Variants in CSMD1 observed in about 807,000 individuals in gnomAD.
The protein encoded by CSMD1 is CUB and Sushi multiple domains 1.
CSMD1 carries 213 observed loss-of-function variants against 417.5 expected under a neutral mutation model. The ratio of observed to expected loss-of-function variants is 0.51; its 90% CI spans 0.46 to 0.57. The LOEUF is 0.57. CSMD1 is among the 20% of genes least tolerant of loss of function. The pLI, the probability that CSMD1 is intolerant of heterozygous loss-of-function variation, is 0.00. For missense variants in CSMD1, 6,923 were observed against 4,529.7 expected (o/e 1.53, Z -15.17); for synonymous variants, 2,862 against 1,736.8 (o/e 1.65, Z -16.11).
At position 3,905,477 on chromosome 8, in the gene CSMD1, C is replaced by G. The variant is rs149156546; in HGVS notation, c.818+92426G>C. 3.1e-3 allele frequency among the ~76,000 whole-genome samples: 473 copies of G among 152,330 alleles called. 1 individual carries two copies. Among genetic ancestry groups the G allele is most frequent in the African/African-American group, 0.011 (444 of 41,586 alleles). The stretch of plus-strand genomic sequence containing the variant: ...CCCAACACGGGTCCAATGACGGTGA[C>G]TTTCCTACGTGTGAAAGATCTCTGT... On this transcript the variant is annotated intron_variant, in intron 5 of 69. Coordinates refer to ENST00000635120, the MANE Select transcript of CSMD1 (RefSeq NM_033225.6).
chr8:3,233,644 A>G (rs1209617485), intron 26 of CSMD1, among the ~76,000 whole-genome samples: 1 of 152,054 alleles, frequency 6.6e-6, no homozygotes, highest in Non-Finnish European at 1.5e-5. Flanking sequence ...TTTCCTATTC[A>G]TATTTTTATT....
chr8:3,941,826 A>G (rs535873664), intron 5 of CSMD1, among the ~76,000 whole-genome samples: 6 of 152,166 alleles, frequency 3.9e-5, no homozygotes, highest in South Asian at 4.1e-4. Flanking sequence ...ATAAAAATAT[A>G]GCGCAATTCC....
intron 1 of CSMD1, among the ~76,000 whole-genome samples, chr8:4,975,806 T>C (rs1270562011): frequency 5.9e-5 from 9 of 152,098 alleles, no homozygotes; most frequent in Admixed American, 5.2e-4. Context: ...GAATAGTGTA[T>C]GCATTTTTTT....
rs148761489 is a variant in CSMD1 at position 3,562,196 on chromosome 8, T to C, written c.1344+12749A>G. Among the ~76,000 whole-genome samples, 489 of 152,076 alleles carry C rather than the reference T, an allele frequency of 3.2e-3. 3 individuals are homozygous for C. Among genetic ancestry groups the C allele is most frequent in the African/African-American group, 0.011 (469 of 41,480 alleles). Reference sequence around the variant, plus strand: ...TAGGTGGGGAAAGATGGAAAGTGAATGTTAAAATAATGATGTAGAATAGAG... The same window carrying C: ...TAGGTGGGGAAAGATGGAAAGTGAACGTTAAAATAATGATGTAGAATAGAG... On this transcript the variant is annotated intron_variant, in intron 10 of 69. Coordinates refer to ENST00000635120, the MANE Select transcript of CSMD1 (RefSeq NM_033225.6).
Position 3,396,389 on chromosome 8 carries a change from T to C in CSMD1, c.2406-8A>G, listed in dbSNP as rs753575851. 15 of 1,551,190 alleles carry C rather than the reference T, an allele frequency of 9.7e-6. No individual in the cohort carries two copies. In the East Asian group the frequency reaches 1.1e-4, roughly 12 times the overall value. ...TTGACCTCTGTCTGAAATCTGCAAA[T>C]ATATACATCCCATCAGAAAAGACAT... On this transcript the variant is annotated splice_region_variant and splice_polypyrimidine_tract_variant and intron_variant, in intron 16 of 69. Transcript: ENST00000635120.
intron 36 of CSMD1, among the ~76,000 whole-genome samples, chr8:3,185,962 T>G (rs905575438): frequency 2.0e-5 from 3 of 152,150 alleles, no homozygotes; most frequent in African/African-American, 7.2e-5. Flanking sequence ...CTCTGATTTG[T>G]CTAGCTATAT....
chr8:3,827,552 T>C (rs938767998), intron 5 of CSMD1, among the ~76,000 whole-genome samples: 1 of 152,222 alleles, frequency 6.6e-6, no homozygotes, highest in South Asian at 2.1e-4. Flanking sequence ...CTGAAATGTT[T>C]TCTGCTAGAT....
At chr8:4,138,896 A>G (rs1370128859) in intron 3 of CSMD1, among the ~76,000 whole-genome samples, 7 of 152,192 alleles carry the variant, frequency 4.6e-5, no homozygotes, top group Admixed American at 1.3e-4. Context: ...TATTTAATAC[A>G]AATAATTTAA....
intron 23 of CSMD1, among the ~76,000 whole-genome samples, chr8:3,326,887 G>C (rs74304350): frequency 0.048 from 7,262 of 152,152 alleles, 411 homozygotes; most frequent in East Asian, 0.25. Flanking sequence ...GCTATGTCTT[G>C]ATACATTGAT....
chr8:4,203,220 G>C (rs867874746), intron 3 of CSMD1, among the ~76,000 whole-genome samples: 1 of 152,180 alleles, frequency 6.6e-6, no homozygotes, highest in African/African-American at 2.4e-5. Context: ...TGAAGATGGA[G>C]AAAGAAGGCC....
At chr8:3,790,394 T>C (rs1430379531) in intron 5 of CSMD1, among the ~76,000 whole-genome samples, 2 of 152,106 alleles carry the variant, frequency 1.3e-5, no homozygotes, top group African/African-American at 2.4e-5. Context: ...ATGGTGATGT[T>C]TGACAGTTAT....
At chr8:3,677,715 G>C (rs1447690281) in intron 7 of CSMD1, among the ~76,000 whole-genome samples, 3 of 152,102 alleles carry the variant, frequency 2.0e-5, no homozygotes, top group Non-Finnish European at 2.9e-5. Context: ...TTTTGTTCTG[G>C]AAGTCTGTCT....
intron 1 of CSMD1, among the ~76,000 whole-genome samples, chr8:4,716,015 G>T (rs1201280591): frequency 6.6e-6 from 1 of 152,166 alleles, no homozygotes; most frequent in African/African-American, 2.4e-5. Context: ...AGAGCACAGG[G>T]GCCAGGGCAG....
chr8:4,357,551 A>T (rs1437581356), intron 3 of CSMD1, among the ~76,000 whole-genome samples: 1 of 150,078 alleles, frequency 6.7e-6, no homozygotes, highest in African/African-American at 2.5e-5. Flanking sequence ...GCACAGTTGG[A>T]AAAAAAAAAT....
chr8:3,152,993 T>C (rs978361506), intron 39 of CSMD1, among the ~76,000 whole-genome samples: 9 of 152,164 alleles, frequency 5.9e-5, no homozygotes, highest in South Asian at 4.1e-4. Flanking sequence ...GAATAGGAGC[T>C]GGATAAAACA....
intron 3 of CSMD1, among the ~76,000 whole-genome samples, chr8:4,292,980 C>T (rs553569225): frequency 2.0e-5 from 3 of 152,294 alleles, no homozygotes; most frequent in East Asian, 1.9e-4. Context: ...AAGACGTGAA[C>T]AGTCTCTTTT....
chr8:3,690,171 C>G (rs1005590370), intron 7 of CSMD1, among the ~76,000 whole-genome samples: 1 of 152,276 alleles, frequency 6.6e-6, no homozygotes, highest in South Asian at 2.1e-4. Flanking sequence ...CCAGCCTGGG[C>G]AACAGGGCAA....
chr8:3,872,421 C>T (rs1295105839), intron 5 of CSMD1, among the ~76,000 whole-genome samples: 1 of 152,124 alleles, frequency 6.6e-6, no homozygotes, highest in African/African-American at 2.4e-5. Flanking sequence ...CTGAAGTGTC[C>T]AGTTAAAACG....
At chr8:3,883,554 G>A (rs1353838129) in intron 5 of CSMD1, among the ~76,000 whole-genome samples, 1 of 152,124 alleles carries the variant, frequency 6.6e-6, no homozygotes, top group Non-Finnish European at 1.5e-5. Flanking sequence ...AACTAAAGCA[G>A]TGAACTGATG....
Sources: gnomAD v4.1 joint callset for allele counts (sites outside exome capture counted in the v4.1 genomes callset) on GRCh38, gnomAD v4.1.1 for gene constraint, MANE v1.5 for transcripts, NCBI Gene and HGNC (gene_info 2026-07-23, HGNC 2026-07-21) for gene names.